FAM78B: variants seen among roughly 807,000 people sequenced by gnomAD.
FAM78B encodes protein FAM78B.
Under a neutral mutation model 20.0 loss-of-function variants are expected in FAM78B, and 10 were observed. That is an observed-to-expected ratio of 0.50 (90% CI 0.31 to 0.85). The LOEUF (loss-of-function observed/expected upper bound fraction) is 0.85, where lower values mean the gene tolerates loss of function less well. Among genes scored for constraint, FAM78B ranks in the 40% least tolerant of loss-of-function variants. The pLI is 0.05. For missense variants in FAM78B, 283 were observed against 345.0 expected (o/e 0.82, Z 1.42); for synonymous variants, 135 against 132.8 (o/e 1.02, Z -0.12).
intron 1 of FAM78B, among the ~76,000 whole-genome samples, chr1:166,104,026 C>G (rs1653657588): frequency 1.3e-5 from 2 of 152,176 alleles, no homozygotes; most frequent in Admixed American, 1.3e-4. Context: ...GGCTTCATCC[C>G]TGGGATGCAA....
At chr1:166,094,003 C>CTGTGTGTGTGTGTGTGTGTG (rs58213930) in intron 1 of FAM78B, among the ~76,000 whole-genome samples, 1,670 of 125,248 alleles carry the variant, frequency 0.013, 26 homozygotes, top group South Asian at 0.018. Context: ...TTGCGAATGA[C>CTGTGTGTGTGTGTGTGTGTG]TGTGTGTGTG....
At position 166,070,538 on chromosome 1, in the gene FAM78B, G is replaced by A; in HGVS notation, c.489C>T (p.Ile163=). The change falls in exon 2 of 2, where the codon ATC becomes ATT. Residue 163 remains isoleucine, a synonymous_variant. Coordinates refer to ENST00000354422, the MANE Select transcript of FAM78B (RefSeq NM_001017961.5). ...AGGTCGTGAAACTTTGGTCTCTCTT[G>A]ATTCTTGTGAGCAGTGGCACATTGC... ...SDSNVPLLTR[I]KRDQSFTTWL... 3 of 1,614,020 alleles carry A rather than the reference G, an allele frequency of 1.9e-6. No individual in the cohort carries two copies. The highest frequency in any genetic ancestry group is 2.5e-6 in the Non-Finnish European group (3 of 1,179,998).
intron 1 of FAM78B, among the ~76,000 whole-genome samples, chr1:166,093,996 C>T (rs1185239420): frequency 4.7e-5 from 5 of 106,634 alleles, no homozygotes; most frequent in Middle Eastern, 9.4e-3. Flanking sequence ...ACAGGGCTTG[C>T]GAATGACTGT....
intron 1 of FAM78B, among the ~76,000 whole-genome samples, chr1:166,132,514 G>GT (rs1022950292): frequency 6.6e-5 from 10 of 152,216 alleles, no homozygotes; most frequent in Non-Finnish European, 1.2e-4. Flanking sequence ...TGTGTGCAAA[G>GT]TAAGTGGCTT....
At chr1:166,084,548 G>A (rs1446183143) in intron 1 of FAM78B, among the ~76,000 whole-genome samples, 2 of 152,202 alleles carry the variant, frequency 1.3e-5, no homozygotes, top group African/African-American at 2.4e-5. Context: ...TATGGTTTCA[G>A]AAAAGAGAAA....
chr1:166,093,025 A>G (rs12081735), intron 1 of FAM78B, among the ~76,000 whole-genome samples: 6,294 of 152,268 alleles, frequency 0.041, 427 homozygotes, highest in African/African-American at 0.14. Flanking sequence ...CACTTATAAC[A>G]ACAATATTAG....
At chr1:166,102,974 C>A (rs1653592235) in intron 1 of FAM78B, among the ~76,000 whole-genome samples, 1 of 152,134 alleles carries the variant, frequency 6.6e-6, no homozygotes, top group Non-Finnish European at 1.5e-5. Flanking sequence ...CACTCCTCAG[C>A]AAATGTAAAA....
chr1:166,059,128 G>A (rs564339076), exon 3 of FAM78B: 1 of 152,792 alleles, frequency 6.5e-6, no homozygotes, highest in Admixed American at 6.5e-5. Flanking sequence ...CAGGTGAACA[G>A]AGAATCCTGC....
chr1:166,073,793 T>C (rs1223112726), intron 1 of FAM78B, among the ~76,000 whole-genome samples: 1 of 152,198 alleles, frequency 6.6e-6, no homozygotes, highest in Non-Finnish European at 1.5e-5. Context: ...CCTGTCTCTC[T>C]GCAAGGGGTG....
At chr1:166,128,743 G>GGAA (rs1654734911) in intron 1 of FAM78B, among the ~76,000 whole-genome samples, 1 of 152,160 alleles carries the variant, frequency 6.6e-6, no homozygotes, top group African/African-American at 2.4e-5. Context: ...AGTGGGTGAG[G>GGAA]CAGTATGACT....
Position 166,070,653 on chromosome 1 carries a change from A to G in FAM78B, c.374T>C (p.Val125Ala), listed in dbSNP as rs752469559. 17 of 1,613,826 alleles carry G rather than the reference A, an allele frequency of 1.1e-5. No individual in the cohort carries two copies. The highest frequency in any genetic ancestry group is 1.1e-5 in the Non-Finnish European group (13 of 1,180,016). ...YGNTTETVTL[V>A]GPTNKISRFS... ...CCTGGAGATCTTGTTGGTGGGGCCA[A>G]CCAGGGTCACAGTTTCTGTGGTGTT... Residue 125 changes from valine (V) to alanine (A), a missense_variant, in exon 2 of 2, where the codon GTT becomes GCT. Transcript: ENST00000354422.
chr1:166,163,776 T>G (rs1234083725), intron 1 of FAM78B, among the ~76,000 whole-genome samples: 1 of 152,262 alleles, frequency 6.6e-6, no homozygotes, highest in Non-Finnish European at 1.5e-5. Flanking sequence ...TAGCAATTAT[T>G]GCAACCATGA....
intron 1 of FAM78B, among the ~76,000 whole-genome samples, chr1:166,084,671 G>A (rs1238437622): frequency 5.9e-5 from 9 of 152,150 alleles, no homozygotes; most frequent in Non-Finnish European, 1.2e-4. Flanking sequence ...CTGGGTCCAC[G>A]TCTACTCTCC....
intron 1 of FAM78B, among the ~76,000 whole-genome samples, chr1:166,148,511 A>G (rs559826341): frequency 2.6e-5 from 4 of 152,360 alleles, no homozygotes; most frequent in South Asian, 2.1e-4. Flanking sequence ...GATAATGTGA[A>G]TAAGTGTTAA....
At position 166,070,003 on chromosome 1, in the gene FAM78B, A is replaced by AATC; in HGVS notation, c.*235_*237dup. The AATC allele has an allele frequency of 8.2e-7, 1 of 1,220,108 alleles. No individual in the cohort carries two copies. Among genetic ancestry groups the AATC allele is most frequent in the Non-Finnish European group, 1.0e-6 (1 of 979,226 alleles). 75.6% of individuals were successfully genotyped at this position (1,220,108 alleles called of 1,614,324 possible). On this transcript the variant is annotated 3_prime_UTR_variant, in exon 2 of 2. Transcript: ENST00000354422. ...TCCAAAATATGGCTACTTGCATGGT[A>AATC]ATCACAGCAAGTCTGTCAAATCAGT...
chr1:166,150,015 G>A (rs1655614356), intron 1 of FAM78B, among the ~76,000 whole-genome samples: 1 of 152,228 alleles, frequency 6.6e-6, no homozygotes, highest in Admixed American at 6.5e-5. Flanking sequence ...GAGCCTTGGG[G>A]GTAAGGTCAG....
chr1:166,082,603 A>G (rs1313731515), intron 1 of FAM78B: 1 of 152,240 alleles, frequency 6.6e-6, no homozygotes, highest in Non-Finnish European at 1.5e-5. Flanking sequence ...TGTCTATGAC[A>G]GTTTTCCACT....
intron 2 of FAM78B, among the ~76,000 whole-genome samples, chr1:166,062,452 T>C (rs889103154): frequency 6.6e-6 from 1 of 152,256 alleles, no homozygotes; most frequent in African/African-American, 2.4e-5. Flanking sequence ...ATTTCCCTTC[T>C]GATGAACGTG....
intron 1 of FAM78B, among the ~76,000 whole-genome samples, chr1:166,103,503 A>G (rs1017303969): frequency 5.9e-5 from 9 of 152,208 alleles, no homozygotes; most frequent in Non-Finnish European, 1.0e-4. Context: ...AGACACAATA[A>G]AAAATGATAA....
Sources: allele counts gnomAD v4.1 joint callset (sites outside exome capture counted in the v4.1 genomes callset), GRCh38; gene constraint gnomAD v4.1.1; transcripts MANE v1.5; gene names NCBI Gene and HGNC (gene_info 2026-07-23, HGNC 2026-07-21).